Variants in FRMD4A observed in about 807,000 individuals in gnomAD.
The protein encoded by FRMD4A is FERM domain-containing protein 4A.
FRMD4A carries 29 observed loss-of-function variants against 129.1 expected under a neutral mutation model. The ratio of observed to expected loss-of-function variants is 0.22; its 90% CI spans 0.17 to 0.31. The LOEUF (loss-of-function observed/expected upper bound fraction) is 0.31, where lower values mean the gene tolerates loss of function less well. Ranked by LOEUF, FRMD4A falls within the 10% of genes least tolerant of loss-of-function variation. The pLI is 1.00. For synonymous variants in FRMD4A, 634 were observed against 571.6 expected (o/e 1.11, Z -1.56); for missense variants, 1,272 against 1,375.8 (o/e 0.92, Z 1.19).
intron 2 of FRMD4A, among the ~76,000 whole-genome samples, chr10:14,027,277 T>G (rs1417421209): frequency 6.6e-6 from 1 of 152,104 alleles, no homozygotes; most frequent in East Asian, 1.9e-4. Flanking sequence ...CAAGAGAGAG[T>G]TGAGTCTCCC....
intron 2 of FRMD4A, among the ~76,000 whole-genome samples, chr10:14,177,108 A>G (rs1194102392): frequency 6.6e-6 from 1 of 152,202 alleles, no homozygotes; most frequent in East Asian, 1.9e-4. Context: ...GTAAAGGTTC[A>G]TGAACAGGTT....
At chr10:13,851,851 G>T (rs189536878) in intron 3 of FRMD4A, among the ~76,000 whole-genome samples, 210 of 151,084 alleles carry the variant, frequency 1.4e-3, no homozygotes, top group Non-Finnish European at 2.3e-3. Flanking sequence ...AGTGAGCTGA[G>T]ATTGCACCAC....
chr10:13,684,392 G>A (rs2084892340), intron 15 of FRMD4A: 1 of 985,064 alleles, frequency 1.0e-6, no homozygotes, highest in Admixed American at 6.1e-5. Context: ...TATGAACATT[G>A]TTTGAGACCC....
intron 2 of FRMD4A, among the ~76,000 whole-genome samples, chr10:13,927,531 T>C (rs1052387330): frequency 6.6e-6 from 1 of 152,216 alleles, no homozygotes; most frequent in Non-Finnish European, 1.5e-5. Flanking sequence ...TTCTGCCTTT[T>C]CTCAGGGTAC....
intron 2 of FRMD4A, among the ~76,000 whole-genome samples, chr10:13,912,000 A>T (rs2094946124): frequency 1.3e-5 from 2 of 152,216 alleles, no homozygotes; most frequent in South Asian, 4.1e-4. Context: ...AAGTTTCTAG[A>T]AACTGAATCT....
chr10:14,233,001 C>A (rs1046615332), intron 2 of FRMD4A, among the ~76,000 whole-genome samples: 7 of 152,100 alleles, frequency 4.6e-5, no homozygotes, highest in African/African-American at 9.7e-5. Flanking sequence ...AAAATACAGA[C>A]TTTTTGAGAC....
chr10:14,177,716 A>G (rs1421742452), intron 2 of FRMD4A, among the ~76,000 whole-genome samples: 3 of 152,178 alleles, frequency 2.0e-5, no homozygotes, highest in Non-Finnish European at 4.4e-5. Flanking sequence ...AGATTTTGGA[A>G]CCAGAATAGC....
At chr10:13,701,641 A>G (rs1490983851) in intron 13 of FRMD4A, among the ~76,000 whole-genome samples, 163 bp from the exon 14 acceptor site, 1 of 152,230 alleles carries the variant, frequency 6.6e-6, no homozygotes. Context: ...ACACATGCGC[A>G]CACAGCTTAC....
intron 2 of FRMD4A, among the ~76,000 whole-genome samples, chr10:14,038,045 G>A (rs4420166): frequency 0.21 from 31,412 of 152,170 alleles, 3,709 homozygotes; most frequent in East Asian, 0.42. Context: ...ATTTAAGGCC[G>A]GTCGCGGTGG....
chr10:13,673,567 C>T (rs2134726253), intron 16 of FRMD4A, among the ~76,000 whole-genome samples: 1 of 151,512 alleles, frequency 6.6e-6, no homozygotes, highest in South Asian at 2.1e-4. Flanking sequence ...ACAATGCACA[C>T]ATGTGCATGC....
chr10:13,908,096 C>A (rs2094901171), intron 2 of FRMD4A, among the ~76,000 whole-genome samples: 1 of 129,380 alleles, frequency 7.7e-6, no homozygotes, highest in African/African-American at 2.9e-5. Flanking sequence ...ACCCTGGAGG[C>A]AGAGGTTGCA....
At chr10:14,185,344 C>A (rs1380454403) in intron 2 of FRMD4A, among the ~76,000 whole-genome samples, 1 of 152,112 alleles carries the variant, frequency 6.6e-6, no homozygotes, top group African/African-American at 2.4e-5. Context: ...TTCTAGATAT[C>A]CATAGTGAGA....
intron 2 of FRMD4A, among the ~76,000 whole-genome samples, chr10:14,273,181 T>C (rs1384683949): frequency 6.6e-6 from 1 of 151,960 alleles, no homozygotes; most frequent in Non-Finnish European, 1.5e-5. Flanking sequence ...TGCTTGAGCT[T>C]GGGAGGTGGA....
At chr10:14,094,849 C>A (rs575626791) in intron 2 of FRMD4A, among the ~76,000 whole-genome samples, 1 of 152,274 alleles carries the variant, frequency 6.6e-6, no homozygotes, top group South Asian at 2.1e-4. Flanking sequence ...TGTGTGTATG[C>A]ATGCCAAGTG....
At chr10:14,311,662 G>A (rs1199948576) in intron 2 of FRMD4A, among the ~76,000 whole-genome samples, 1 of 147,206 alleles carries the variant, frequency 6.8e-6, no homozygotes, top group African/African-American at 2.5e-5. Flanking sequence ...AGTTCCAGGT[G>A]GTCATGGCAG....
intron 2 of FRMD4A, among the ~76,000 whole-genome samples, chr10:14,185,522 T>C (rs867347965): frequency 6.6e-6 from 1 of 152,186 alleles, no homozygotes; most frequent in Non-Finnish European, 1.5e-5. Context: ...GGAGGTTTGT[T>C]GTAGAACTAT....
intron 2 of FRMD4A, among the ~76,000 whole-genome samples, chr10:14,036,306 T>A (rs529082032): frequency 8.5e-5 from 13 of 152,252 alleles, no homozygotes; most frequent in African/African-American, 2.6e-4. Flanking sequence ...GCCCCATCAT[T>A]AGTTCAGGGT....
chr10:14,027,102 G>C (rs12220564), intron 2 of FRMD4A, among the ~76,000 whole-genome samples: 1 of 152,176 alleles, frequency 6.6e-6, no homozygotes, highest in Non-Finnish European at 1.5e-5. Flanking sequence ...CGAAAACCAA[G>C]TCCTCTTAGC....
Position 14,220,781 on chromosome 10 carries a change from TGC to T in FRMD4A, c.45+109275_45+109276del, listed in dbSNP as rs1430457853. 2.4e-4 allele frequency among the ~76,000 whole-genome samples: 15 copies of T among 62,820 alleles called. No homozygotes were observed. In the East Asian group the frequency reaches 5.4e-3, roughly 23 times the overall value. 41.2% of individuals were successfully genotyped at this position (62,820 alleles called of 152,430 possible). On this transcript the variant is annotated intron_variant, in intron 2 of 24. Transcript: ENST00000357447. ...AGGCAACCAGAGGAGTTGGCTGAGT[TGC>T]GTGTGTGTGTGTGTGTGTGTGTGTG...
Sources: allele counts gnomAD v4.1 joint callset (sites outside exome capture counted in the v4.1 genomes callset), GRCh38; gene constraint gnomAD v4.1.1; transcripts MANE v1.5; gene names NCBI Gene and HGNC (gene_info 2026-07-23, HGNC 2026-07-21).